NKAIN2: variants seen among roughly 807,000 people sequenced by gnomAD.
NKAIN2 encodes the protein sodium/potassium-transporting ATPase subunit beta-1-interacting protein 2.
A neutral mutation model predicts 32.6 loss-of-function variants in NKAIN2; 14 were observed. The observed-to-expected ratio is 0.43, with a 90% CI of 0.28 to 0.67. The LOEUF (loss-of-function observed/expected upper bound fraction) is 0.67, where lower values mean the gene tolerates loss of function less well. NKAIN2 is among the 30% of genes least tolerant of loss of function. The probability of loss-of-function intolerance (pLI) is 0.17; values close to 1 mark genes in which losing one functional copy is unlikely to be tolerated. For synonymous variants in NKAIN2, 80 were observed against 87.2 expected (o/e 0.92, Z 0.46); for missense variants, 198 against 258.3 (o/e 0.77, Z 1.60).
At chr6:124,565,089 G>A (rs1780857131) in intron 3 of NKAIN2, among the ~76,000 whole-genome samples, 1 of 152,158 alleles carries the variant, frequency 6.6e-6, no homozygotes, top group Non-Finnish European at 1.5e-5. Flanking sequence ...GGATTGGGGA[G>A]GTGGCGGTGA....
At chr6:123,865,587 T>C in intron 1 of NKAIN2, among the ~76,000 whole-genome samples, 1 of 152,216 alleles carries the variant, frequency 6.6e-6, no homozygotes, top group East Asian at 1.9e-4. Flanking sequence ...TAAACTAAAA[T>C]ATTTCCAAAT....
intron 4 of NKAIN2, among the ~76,000 whole-genome samples, chr6:124,673,876 T>G (rs755376815): frequency 6.6e-6 from 1 of 151,896 alleles, no homozygotes; most frequent in Non-Finnish European, 1.5e-5. Flanking sequence ...GTGCAGAAAC[T>G]TTTATTTTAA....
rs543014037 is a variant in NKAIN2, at chr6:123,989,652, T to A, written c.54+185398T>A. On this transcript the variant is annotated intron_variant, in intron 1 of 6. Coordinates refer to ENST00000368417, the MANE Select transcript of NKAIN2 (RefSeq NM_001040214.3). Reference sequence around the variant, plus strand: ...TTTTGCTTTGATAATTATGCTCTTTTAATAATTTTAATGGTAACTCAACCC... The same window carrying A: ...TTTTGCTTTGATAATTATGCTCTTTAAATAATTTTAATGGTAACTCAACCC... Among the ~76,000 whole-genome samples the A allele has an allele frequency of 1.9e-3, 287 of 152,294 alleles. 1 individual carries two copies. The highest frequency in any genetic ancestry group is 6.8e-3 in the African/African-American group (281 of 41,582).
At chr6:124,162,186 G>A (rs1788314965) in intron 1 of NKAIN2, among the ~76,000 whole-genome samples, 1 of 151,998 alleles carries the variant, frequency 6.6e-6, no homozygotes. Context: ...AGAGAGATAT[G>A]AGTGTATACC....
chr6:124,168,636 C>A (rs1437433348), intron 1 of NKAIN2, among the ~76,000 whole-genome samples: 1 of 151,782 alleles, frequency 6.6e-6, no homozygotes, highest in Non-Finnish European at 1.5e-5. Flanking sequence ...AATTTTAGAA[C>A]CATTGCCTGT....
Position 124,270,531 on chromosome 6 carries a change from G to A in NKAIN2, c.55-12474G>A, listed in dbSNP as rs558005881. ...AAAAATAGCAATCGAGTTTTTTCTA[G>A]AGAAAGTCATTTGCTATGAGAAAGC... On this transcript the variant is annotated intron_variant, in intron 1 of 6. Transcript: ENST00000368417. 5.3e-5 allele frequency among the ~76,000 whole-genome samples: 8 copies of A among 152,214 alleles called. No individual in the cohort carries two copies. The South Asian group carries it at 1.7e-3, about 32-fold the overall frequency.
intron 3 of NKAIN2, among the ~76,000 whole-genome samples, chr6:124,594,477 A>G (rs1279970439): frequency 2.6e-5 from 4 of 152,214 alleles, no homozygotes; most frequent in Admixed American, 2.6e-4. Context: ...GTGAAGTTCA[A>G]TTAGAATAAG....
intron 3 of NKAIN2, among the ~76,000 whole-genome samples, chr6:124,458,689 T>A (rs1223588557): frequency 6.6e-6 from 1 of 151,880 alleles, no homozygotes; most frequent in Non-Finnish European, 1.5e-5. Flanking sequence ...AGGACTGTAT[T>A]ATTTTGAGGC....
In NKAIN2 at chr6:124,471,679, T is replaced by C. The variant is rs571154076; in HGVS notation, c.273+116332T>C. Among the ~76,000 whole-genome samples the C allele has an allele frequency of 3.3e-5, 5 of 152,266 alleles. No individual in the cohort carries two copies. In the East Asian group the frequency reaches 9.7e-4, roughly 29 times the overall value. On this transcript the variant is annotated intron_variant, in intron 3 of 6. Transcript: ENST00000368417. ...TGACATGACGTGGTTGGAGCCTACT[T>C]TTCTATACAACATAATCTAATAGTC...
intron 3 of NKAIN2, among the ~76,000 whole-genome samples, chr6:124,559,834 ATTTTTTT>A (rs55701016): frequency 1.2e-4 from 9 of 73,756 alleles, no homozygotes; most frequent in Admixed American, 6.8e-4. Flanking sequence ...GAAATAAACC[ATTTTTTT>A]TTTTTTTTTT....
intron 3 of NKAIN2, among the ~76,000 whole-genome samples, chr6:124,472,499 A>G (rs911877786): frequency 1.3e-5 from 2 of 152,196 alleles, no homozygotes; most frequent in East Asian, 3.9e-4. Flanking sequence ...TTGGGAGCAC[A>G]CATAGAACAA....
intron 2 of NKAIN2, among the ~76,000 whole-genome samples, chr6:124,307,772 C>A (rs1204985682): frequency 6.6e-6 from 1 of 152,078 alleles, no homozygotes; most frequent in Admixed American, 6.6e-5. Flanking sequence ...CAAGAGCTAG[C>A]AATCTATTCC....
chr6:124,361,991 G>T (rs1583126338), intron 3 of NKAIN2, among the ~76,000 whole-genome samples: 1 of 152,008 alleles, frequency 6.6e-6, no homozygotes, highest in Admixed American at 6.6e-5. Context: ...TAAAAAGATG[G>T]TATGCAGAGA....
intron 1 of NKAIN2, among the ~76,000 whole-genome samples, chr6:124,262,786 A>G (rs2753141): frequency 0.36 from 54,580 of 151,998 alleles, 12,348 homozygotes; most frequent in African/African-American, 0.64. Flanking sequence ...CTGGAAAACC[A>G]GTTAGGTTAA....
intron 3 of NKAIN2, among the ~76,000 whole-genome samples, chr6:124,487,999 A>T (rs1777720820): frequency 6.6e-6 from 1 of 152,076 alleles, no homozygotes; most frequent in Admixed American, 6.6e-5. Flanking sequence ...CTTGGTGTTA[A>T]TGACAATGTC....
At chr6:124,384,802 AT>A (rs1247782739) in intron 3 of NKAIN2, among the ~76,000 whole-genome samples, 2 of 151,828 alleles carry the variant, frequency 1.3e-5, no homozygotes, top group African/African-American at 4.8e-5. Context: ...TAGTTCTTGT[AT>A]TTTTTTGCGG....
At chr6:123,911,886 C>T (rs1406871394) in intron 1 of NKAIN2, among the ~76,000 whole-genome samples, 1 of 146,834 alleles carries the variant, frequency 6.8e-6, no homozygotes, top group Non-Finnish European at 1.5e-5. Flanking sequence ...CCCCCAAGGG[C>T]ATATTTTCAA....
chr6:123,878,562 C>G (rs951359044), intron 1 of NKAIN2, among the ~76,000 whole-genome samples: 4 of 152,026 alleles, frequency 2.6e-5, no homozygotes, highest in African/African-American at 9.7e-5. Context: ...CTTTTAAAAC[C>G]CTTTTCCTGC....
chr6:124,701,155 A>G (rs373500887), intron 4 of NKAIN2, among the ~76,000 whole-genome samples: 34 of 139,764 alleles, frequency 2.4e-4, no homozygotes, highest in African/African-American at 5.9e-4. Context: ...ACACACACGC[A>G]CACACACACA....
Sources: allele counts gnomAD v4.1 joint callset (sites outside exome capture counted in the v4.1 genomes callset), GRCh38; gene constraint gnomAD v4.1.1; transcripts MANE v1.5; gene names NCBI Gene and HGNC (gene_info 2026-07-23, HGNC 2026-07-21).